SH3GL2: variants seen among roughly 807,000 people sequenced by gnomAD.
SH3GL2 encodes the protein endophilin-A1.
A neutral mutation model predicts 46.0 loss-of-function variants in SH3GL2; 24 were observed. The ratio of observed to expected loss-of-function variants is 0.52; its 90% confidence interval spans 0.38 to 0.73. The LOEUF (loss-of-function observed/expected upper bound fraction) is 0.73. SH3GL2 is among the 30% of genes least tolerant of loss of function. The pLI, the probability that SH3GL2 is intolerant of heterozygous loss-of-function variation, is 0.00. For synonymous variants in SH3GL2, 196 were observed against 147.1 expected (o/e 1.33, Z -2.40); for missense variants, 413 against 424.2 (o/e 0.97, Z 0.23).
intron 1 of SH3GL2, among the ~76,000 whole-genome samples, chr9:17,680,013 C>T (rs9696817): frequency 0.041 from 6,246 of 152,152 alleles, 423 homozygotes; most frequent in African/African-American, 0.14. Context: ...TTTTGATGTG[C>T]TGCTGGATTC....
At chr9:17,587,344 G>A (rs181195583) in intron 1 of SH3GL2, among the ~76,000 whole-genome samples, 155 of 152,294 alleles carry the variant, frequency 1.0e-3, no homozygotes, top group African/African-American at 3.7e-3. Flanking sequence ...GAAATCCCCT[G>A]CCTGCCAGTA....
intron 4 of SH3GL2, 127 bp downstream of exon 4, chr9:17,786,651 AC>A: frequency 1.2e-6 from 1 of 845,268 alleles, no homozygotes; most frequent in Non-Finnish European, 1.9e-6. Context: ...GATCCTACAC[AC>A]ATGGGCCAAA....
chr9:17,650,086 C>G (rs1588205419), intron 1 of SH3GL2, among the ~76,000 whole-genome samples: 1 of 152,074 alleles, frequency 6.6e-6, no homozygotes. Context: ...TGAGATCATA[C>G]CAACTCTGAT....
intron 1 of SH3GL2, among the ~76,000 whole-genome samples, chr9:17,715,382 C>T (rs560398098): frequency 2.0e-5 from 3 of 151,808 alleles, no homozygotes; most frequent in African/African-American, 7.2e-5. Flanking sequence ...ACATTTTCAG[C>T]CATTACTTTT....
intron 1 of SH3GL2, among the ~76,000 whole-genome samples, chr9:17,695,294 T>G (rs1223152092): frequency 6.6e-6 from 1 of 152,132 alleles, no homozygotes; most frequent in Non-Finnish European, 1.5e-5. Flanking sequence ...CAGGTACATG[T>G]GGAAGCATCA....
Position 17,579,167 on chromosome 9 carries a change from C to G in SH3GL2, c.-76C>G. ...GACCAGAGGCGGCCAGGGGAGCGCGCCGCCCCGCTCGGCCCTCCAGTCCCC... is the reference window on the plus strand; with the variant it reads ...GACCAGAGGCGGCCAGGGGAGCGCGGCGCCCCGCTCGGCCCTCCAGTCCCC... On this transcript the variant is annotated 5_prime_UTR_variant, in exon 1 of 9. Coordinates refer to ENST00000380607, the MANE Select transcript of SH3GL2 (RefSeq NM_003026.5). The G allele has an allele frequency of 8.9e-7, 1 of 1,122,174 alleles. No individual in the cohort carries two copies. Among genetic ancestry groups the G allele is most frequent in the Non-Finnish European group, 1.2e-6 (1 of 809,768 alleles). The allele number at this position is 1,122,174 out of a possible 1,614,324, so 69.5% of individuals were successfully genotyped here.
chr9:17,616,394 T>C (rs1418178136), intron 1 of SH3GL2, among the ~76,000 whole-genome samples: 1 of 152,176 alleles, frequency 6.6e-6, no homozygotes, highest in Non-Finnish European at 1.5e-5. Flanking sequence ...TAATTACTTC[T>C]ATTGGTGCTT....
chr9:17,777,872 C>A (rs1047566076), intron 3 of SH3GL2, among the ~76,000 whole-genome samples: 2 of 152,074 alleles, frequency 1.3e-5, no homozygotes, highest in Admixed American at 6.6e-5. Context: ...AGTCTTCTTA[C>A]CTTTTTTACA....
chr9:17,745,303 A>T (rs887524719), intron 1 of SH3GL2, among the ~76,000 whole-genome samples: 3 of 152,206 alleles, frequency 2.0e-5, no homozygotes, highest in Non-Finnish European at 4.4e-5. Context: ...AAAGTATGAA[A>T]TAACAGTTAA....
chr9:17,785,315 TA>T (rs1823924249), intron 3 of SH3GL2, among the ~76,000 whole-genome samples: 2 of 152,324 alleles, frequency 1.3e-5, no homozygotes, highest in African/African-American at 4.8e-5. Flanking sequence ...CAGTTCATTA[TA>T]AACTTTGTGA....
chr9:17,693,206 T>C (rs1460853252), intron 1 of SH3GL2, among the ~76,000 whole-genome samples: 1 of 152,194 alleles, frequency 6.6e-6, no homozygotes, highest in East Asian at 1.9e-4. Flanking sequence ...TGAGTGTCTG[T>C]TTTTGAGCAG....
chr9:17,579,893 C>G (rs1039946714), intron 1 of SH3GL2, among the ~76,000 whole-genome samples: 2 of 152,222 alleles, frequency 1.3e-5, no homozygotes, highest in Non-Finnish European at 1.5e-5. Flanking sequence ...TCGTGAAACT[C>G]CTTTGAGGCC....
Position 17,636,484 on chromosome 9 carries a change from C to A in SH3GL2, c.45+57197C>A, listed in dbSNP as rs928475912. 7.2e-5 allele frequency among the ~76,000 whole-genome samples: 11 copies of A among 152,154 alleles called. 1 individual carries two copies. In the South Asian group the frequency reaches 2.1e-3, roughly 29 times the overall value. On this transcript the variant is annotated intron_variant, in intron 1 of 8. Transcript: ENST00000380607. ...TAACCTGATCCATCTTTGCATTCTC[C>A]ACGTTGATCATAGCTTTACAAAATG...
intron 1 of SH3GL2, among the ~76,000 whole-genome samples, chr9:17,633,859 T>C (rs1819485826): frequency 6.6e-6 from 1 of 152,194 alleles, no homozygotes; most frequent in African/African-American, 2.4e-5. Context: ...TATTTCTAAG[T>C]ATCCAAGTCC....
intron 3 of SH3GL2, among the ~76,000 whole-genome samples, chr9:17,772,233 A>G (rs957032659): frequency 6.6e-6 from 1 of 152,210 alleles, no homozygotes; most frequent in African/African-American, 2.4e-5. Context: ...AATCTTATTT[A>G]GTGTGATTTG....
intron 3 of SH3GL2, among the ~76,000 whole-genome samples, chr9:17,763,245 G>T (rs1823230185): frequency 6.6e-6 from 1 of 152,188 alleles, no homozygotes; most frequent in Non-Finnish European, 1.5e-5. Flanking sequence ...ATGGAACTGT[G>T]CTCTGTTGTA....
chr9:17,658,107 TTTC>T (rs1820132456), intron 1 of SH3GL2, among the ~76,000 whole-genome samples: 1 of 152,234 alleles, frequency 6.6e-6, no homozygotes, highest in African/African-American at 2.4e-5. Context: ...GAAATGCCTC[TTTC>T]TGGCATTCAA....
intron 1 of SH3GL2, among the ~76,000 whole-genome samples, chr9:17,701,249 T>A (rs1292628260): frequency 6.6e-6 from 1 of 152,174 alleles, no homozygotes; most frequent in Non-Finnish European, 1.5e-5. Context: ...GAAAATCTCT[T>A]GCTACAAAAT....
rs182652452 is a variant in SH3GL2, at chr9:17,597,188, C to T, written c.45+17901C>T. The stretch of plus-strand genomic sequence containing the variant: ...GATGTTTTTATTTGCTGCAAAACTT[C>T]GGGTTTTGGTCCTTTTAAAGTAGTT... On this transcript the variant is annotated intron_variant, in intron 1 of 8. Coordinates refer to ENST00000380607, the MANE Select transcript of SH3GL2 (RefSeq NM_003026.5). Among the ~76,000 whole-genome samples, 39 of 152,258 alleles carry T rather than the reference C, an allele frequency of 2.6e-4. 1 individual carries two copies. Among genetic ancestry groups the T allele is most frequent in the African/African-American group, 2.6e-4 (11 of 41,544 alleles).
Sources: allele counts gnomAD v4.1 joint callset (sites outside exome capture counted in the v4.1 genomes callset), GRCh38; gene constraint gnomAD v4.1.1; transcripts MANE v1.5; gene names NCBI Gene and HGNC (gene_info 2026-07-23, HGNC 2026-07-21).